The following PARP16 variants were observed in gnomAD, a reference collection of about 807,000 sequenced individuals.
PARP16 encodes the protein protein mono-ADP-ribosyltransferase PARP16.
Under a neutral mutation model 35.0 loss-of-function variants are expected in PARP16, and 31 were observed. The observed-to-expected ratio is 0.88, with a 90% CI of 0.66 to 1.19. PARP16 has a LOEUF of 1.19. Among genes scored for constraint, PARP16 ranks in the 50% most tolerant of loss-of-function variants. PARP16 has a pLI of 0.00. For missense variants in PARP16, 424 were observed against 411.2 expected, an observed-to-expected ratio of 1.03 and a Z score of -0.27; for synonymous variants, 162 against 169.5, an observed-to-expected ratio of 0.96 and a Z score of 0.34.
chr15:65,239,254 C>T (rs568151802), intron 3 of PARP16, among the ~76,000 whole-genome samples: 11 of 150,616 alleles, frequency 7.3e-5, no homozygotes, highest in Admixed American at 6.0e-4. Context: ...GGTGAAACTG[C>T]GGTCTCTACT....
intron 1 of PARP16, among the ~76,000 whole-genome samples, chr15:65,285,146 T>G (rs1490525060): frequency 6.6e-6 from 1 of 151,242 alleles, no homozygotes; most frequent in Admixed American, 6.6e-5. Flanking sequence ...CCAGGTTTTT[T>G]TTTTTTTTTT....
intron 1 of PARP16, among the ~76,000 whole-genome samples, chr15:65,280,436 CAAAA>C (rs11450302): frequency 3.3e-5 from 2 of 60,902 alleles, no homozygotes. Context: ...GAACTCGTCT[CAAAA>C]AAAAAAAAAA....
At position 65,271,084 on chromosome 15, in the gene PARP16, G is replaced by A. The variant is rs547626111; in HGVS notation, c.175-12C>T. The A allele has an allele frequency of 9.9e-6, 16 of 1,613,762 alleles. No individual in the cohort carries two copies. Among genetic ancestry groups the A allele is most frequent in the African/African-American group, 9.3e-5 (7 of 74,896 alleles). ...CTGGCATCTGCAAGCTGAAGCGACG[G>A]AAGAACTTCCATTAGCAAGGATCCC... is the stretch of plus-strand genomic sequence containing the variant. On this transcript the variant is annotated splice_polypyrimidine_tract_variant and intron_variant, in intron 1 of 5. Coordinates refer to ENST00000649807, the MANE Select transcript of PARP16 (RefSeq NM_001316943.2).
At chr15:65,233,799 A>G (rs1004099981), downstream of PARP16, among the ~76,000 whole-genome samples, 34 of 152,198 alleles carry the variant, frequency 2.2e-4, no homozygotes, top group Admixed American at 2.0e-4. Context: ...AAATAAAAAT[A>G]AAATAAAAAT....
chr15:65,285,447 T>C (rs2090561689), intron 1 of PARP16: 2 of 325,226 alleles, frequency 6.1e-6, no homozygotes, highest in Non-Finnish European at 6.1e-6. Context: ...CCCCTCCAAG[T>C]TTTTAACAGT....
At chr15:65,266,811 G>A (rs994170497) in intron 2 of PARP16, 43 bp from the exon 3 acceptor site, 4 of 1,433,300 alleles carry the variant, frequency 2.8e-6, no homozygotes, top group Non-Finnish European at 3.9e-6. Context: ...TGGGGAGCTG[G>A]TAAATGTGCT....
chr15:65,249,969 G>C (rs575687749), intron 2 of PARP16, among the ~76,000 whole-genome samples: 4 of 152,290 alleles, frequency 2.6e-5, no homozygotes, highest in Admixed American at 2.6e-4. Flanking sequence ...ACAGAGCAGA[G>C]CTCACAACCC....
At chr15:65,233,074 G>C (rs989302918), downstream of PARP16, among the ~76,000 whole-genome samples, 1 of 152,192 alleles carries the variant, frequency 6.6e-6, no homozygotes, top group South Asian at 2.1e-4. Context: ...GTTCTAGAGA[G>C]TTGCTGTACA....
At chr15:65,267,382 C>T (rs1446530430) in intron 2 of PARP16, among the ~76,000 whole-genome samples, 1 of 151,888 alleles carries the variant, frequency 6.6e-6, no homozygotes, top group Admixed American at 6.6e-5. Flanking sequence ...CCGAGGCAGG[C>T]GGATCATGAG....
chr15:65,245,627 G>A (rs560067799), intron 3 of PARP16, among the ~76,000 whole-genome samples: 16 of 152,214 alleles, frequency 1.1e-4, no homozygotes, highest in African/African-American at 3.9e-4. Context: ...CACCCAGGCC[G>A]CCAGCAATCA....
chr15:65,246,535 G>A (rs2089213830), intron 3 of PARP16, among the ~76,000 whole-genome samples: 1 of 152,250 alleles, frequency 6.6e-6, no homozygotes, highest in African/African-American at 2.4e-5. Flanking sequence ...GGCAGGCACA[G>A]ACATGTCAGG....
At chr15:65,255,133 G>A (rs2089462816), downstream of PARP16, among the ~76,000 whole-genome samples, 1 of 152,082 alleles carries the variant, frequency 6.6e-6, no homozygotes, top group Non-Finnish European at 1.5e-5. Context: ...TTGGCCTATG[G>A]GATCTCCCTG....
At chr15:65,238,455 T>C (rs1366817185) in intron 3 of PARP16, among the ~76,000 whole-genome samples, 2 of 152,212 alleles carry the variant, frequency 1.3e-5, no homozygotes, top group Non-Finnish European at 2.9e-5. Context: ...CATGCTCCAG[T>C]TGGAAATGTG....
intron 2 of PARP16, 83 bp from the exon 3 acceptor site, chr15:65,266,851 T>A: frequency 1.0e-6 from 1 of 961,006 alleles, no homozygotes; most frequent in Non-Finnish European, 1.6e-6. Flanking sequence ...CTCTCAGGCT[T>A]AACTCCCATG....
At chr15:65,285,104 C>G (rs546704896) in intron 1 of PARP16, among the ~76,000 whole-genome samples, 34 of 149,676 alleles carry the variant, frequency 2.3e-4, no homozygotes, top group Admixed American at 1.7e-3. Flanking sequence ...CTACAATAGT[C>G]TAGAAAAGTT....
At chr15:65,272,297 G>A (rs2090120977) in intron 1 of PARP16, among the ~76,000 whole-genome samples, 1 of 152,188 alleles carries the variant, frequency 6.6e-6, no homozygotes, top group Admixed American at 6.5e-5. Flanking sequence ...AGTTGTCATT[G>A]CAGCACATTA....
At chr15:65,262,658 C>T (rs1337721669) in intron 4 of PARP16, among the ~76,000 whole-genome samples, 5 of 151,848 alleles carry the variant, frequency 3.3e-5, no homozygotes, top group African/African-American at 7.3e-5. Flanking sequence ...CAGTGTAGAT[C>T]GGAGGGTCTG....
Position 65,259,168 on chromosome 15 carries a change from G to C in PARP16, c.*239C>G, listed in dbSNP as rs1596008608. On this transcript the variant is annotated 3_prime_UTR_variant, in exon 6 of 6. Transcript: ENST00000649807. ...CAACTCCCTAGGACAGTTTAAGAAGGAGCAGATGGAAGGACTCCCCTAAAA... is the reference window on the plus strand; with the variant it reads ...CAACTCCCTAGGACAGTTTAAGAAGCAGCAGATGGAAGGACTCCCCTAAAA... 4.0e-6 allele frequency: 2 copies of C among 504,716 alleles called. No individual in the cohort carries two copies. Among genetic ancestry groups the C allele is most frequent in the East Asian group, 6.3e-5 (2 of 31,686 alleles). 31.3% of individuals were successfully genotyped at this position (504,716 alleles called of 1,614,324 possible).
At chr15:65,253,235 C>G (rs1233411070), downstream of PARP16, among the ~76,000 whole-genome samples, 1 of 152,148 alleles carries the variant, frequency 6.6e-6, no homozygotes, top group Admixed American at 6.5e-5. Context: ...GCAAATGGGA[C>G]TCCCTGAATT....
Sources: allele counts gnomAD v4.1 joint callset (sites outside exome capture counted in the v4.1 genomes callset), GRCh38; gene constraint gnomAD v4.1.1; transcripts MANE v1.5; gene names NCBI Gene and HGNC (gene_info 2026-07-23, HGNC 2026-07-21).